FASTKD1: variants seen among roughly 807,000 people sequenced by gnomAD.
FASTKD1 encodes FAST kinase domains 1.
In FASTKD1, 94 loss-of-function variants were observed where a neutral mutation model predicts 90.9. That is an observed-to-expected ratio of 1.03 (90% confidence interval 0.88 to 1.23). The LOEUF is 1.23. Ranked by LOEUF, FASTKD1 falls within the 50% of genes most tolerant of loss-of-function variation. FASTKD1 has a pLI of 0.00. For missense variants in FASTKD1, 945 were observed against 993.5 expected, an observed-to-expected ratio of 0.95 and a Z score of 0.66; for synonymous variants, 319 against 345.8, an observed-to-expected ratio of 0.92 and a Z score of 0.86.
At chr2:169,537,424 GC>G in intron 11 of FASTKD1, 84 bp from the exon 12 acceptor site, 1 of 882,228 alleles carries the variant, frequency 1.1e-6, no homozygotes. Context: ...CGCTCTTGTT[GC>G]CCAGGCTGGA....
At chr2:169,535,280 C>T (rs539349430) in intron 12 of FASTKD1, among the ~76,000 whole-genome samples, 1 of 151,996 alleles carries the variant, frequency 6.6e-6, no homozygotes, top group Non-Finnish European at 1.5e-5. Context: ...CTCCTGGGTT[C>T]AAGAGATTCT....
rs746323442 is a variant in FASTKD1 at position 169,537,279 on chromosome 2, T to G, written c.2136A>C (p.Gly712=). ...QIFKMLAEVL[G]GINCVKASVL... ...CCGAGGCTTTTACACAATTGATTCC[T>G]CCTAGTACCTCTGCTAACATTTTAA... is the stretch of plus-strand genomic sequence containing the variant. The change falls in exon 12 of 15, where the codon GGA becomes GGC. Residue 712 remains glycine, a synonymous_variant. Transcript: ENST00000453153. 1 of 1,613,604 alleles carries G rather than the reference T, an allele frequency of 6.2e-7. No individual in the cohort carries two copies. Among genetic ancestry groups the G allele is most frequent in the Non-Finnish European group, 8.5e-7 (1 of 1,179,734 alleles).
chr2:169,565,647 C>A (rs1414898900), intron 3 of FASTKD1, among the ~76,000 whole-genome samples: 2 of 152,164 alleles, frequency 1.3e-5, no homozygotes, highest in Non-Finnish European at 2.9e-5. Flanking sequence ...CTGCAATAAA[C>A]GTAAGAGTAC....
At chr2:169,555,347 G>A in intron 6 of FASTKD1, 92 bp from the exon 7 acceptor site, 1 of 1,071,334 alleles carries the variant, frequency 9.3e-7, no homozygotes, top group Non-Finnish European at 1.4e-6. Context: ...GTTCTGTGCT[G>A]GAGAAACGGC....
intron 12 of FASTKD1, among the ~76,000 whole-genome samples, chr2:169,532,438 G>C (rs1484394248): frequency 6.8e-6 from 1 of 146,568 alleles, no homozygotes; most frequent in African/African-American, 2.5e-5. Context: ...AAAAGAAAAA[G>C]ACAACCAGCC....
chr2:169,559,117 G>A (rs118189732), intron 5 of FASTKD1, among the ~76,000 whole-genome samples: 4,144 of 151,786 alleles, frequency 0.027, 81 homozygotes, highest in East Asian at 0.1. Context: ...TGGGACTACA[G>A]GCGCTGCCAT....
At position 169,563,314 on chromosome 2, in the gene FASTKD1, G is replaced by A. The variant is rs1387846775; in HGVS notation, c.483C>T (p.Cys161=). 3 of 1,609,432 alleles carry A rather than the reference G, an allele frequency of 1.9e-6. No individual in the cohort carries two copies. The highest frequency in any genetic ancestry group is 1.7e-6 in the Non-Finnish European group (2 of 1,176,506). Residue 161 remains cysteine (C), a synonymous_variant, in exon 4 of 15, where the codon TGC becomes TGT. Transcript: ENST00000453153. ...TAAAATACAAATGCTGATCTGCTAG[G>A]CAAGAGGAAAATTCTGAGAGCAGTT... ...DIKLLSEFSS[C]LADQHLYFSP...
intron 3 of FASTKD1, among the ~76,000 whole-genome samples, chr2:169,564,586 C>T (rs1415330816): frequency 1.3e-5 from 2 of 152,048 alleles, no homozygotes; most frequent in African/African-American, 4.8e-5. Context: ...AATCCAATTA[C>T]GTTCTAAGTT....
Position 169,546,516 on chromosome 2 carries a change from T to C in FASTKD1, c.1403A>G (p.Tyr468Cys). Reference sequence around the variant, plus strand: ...TTGTTTCGCAGTCATATTATCCAAATACATGTGATCATGCTGAATCCATCT... The same window carrying C: ...TTGTTTCGCAGTCATATTATCCAAACACATGTGATCATGCTGAATCCATCT... ...VLRWIQHDHM[Y>C]LDNMTAKQLK... Residue 468 changes from tyrosine (Y) to cysteine (C), a missense_variant, in exon 8 of 15, where the codon TAT becomes TGT. Physicochemically the swap from Tyr to Cys is radical, Grantham distance 194. Transcript: ENST00000453153. 6.2e-7 allele frequency: 1 copy of C among 1,614,130 alleles called. No individual in the cohort carries two copies. Among genetic ancestry groups the C allele is most frequent in the Non-Finnish European group, 8.5e-7 (1 of 1,180,026 alleles).
chr2:169,534,678 C>T lies in FASTKD1; in HGVS notation c.2188+2549G>A, dbSNP rs989942889. Among the ~76,000 whole-genome samples the T allele has an allele frequency of 2.0e-5, 3 of 151,888 alleles. No individual in the cohort carries two copies. In the South Asian group the frequency reaches 6.2e-4, roughly 32 times the overall value. ...TTCACCATGTTAGCCAGGCTGATCTCGAACTCCCAACCTCAGGTAATCCGC... is the reference window on the plus strand; with the variant it reads ...TTCACCATGTTAGCCAGGCTGATCTTGAACTCCCAACCTCAGGTAATCCGC... On this transcript the variant is annotated intron_variant, in intron 12 of 14. Transcript: ENST00000453153.
chr2:169,546,299 T>C lies in FASTKD1; in HGVS notation c.1620A>G (p.Ala540=). 6.2e-7 allele frequency: 1 copy of C among 1,613,910 alleles called. No individual in the cohort carries two copies. Among genetic ancestry groups the C allele is most frequent in the Non-Finnish European group, 8.5e-7 (1 of 1,179,896 alleles). The change falls in exon 8 of 15, where the codon GCA becomes GCG. Residue 540 remains alanine (A), a synonymous_variant. Transcript: ENST00000453153. ...DINYINVGEI[A]SFISSTDYLS... is the part of the protein sequence containing the mutation. Reference sequence around the variant, plus strand: ...GGTAATCAGTACTAGAAATAAAAGATGCAATCTCCCCAACATTTATGTAAT... The same window carrying C: ...GGTAATCAGTACTAGAAATAAAAGACGCAATCTCCCCAACATTTATGTAAT...
intron 12 of FASTKD1, 103 bp downstream of exon 12, chr2:169,537,124 G>GA: frequency 1.5e-6 from 1 of 689,518 alleles, no homozygotes. Flanking sequence ...ATAACAACTT[G>GA]AAAAAAATTC....
intron 9 of FASTKD1, among the ~76,000 whole-genome samples, chr2:169,543,946 T>C (rs1451897147): frequency 6.6e-6 from 1 of 152,194 alleles, no homozygotes; most frequent in Non-Finnish European, 1.5e-5. Context: ...AAAATGTATT[T>C]TGGTAACACT....
At chr2:169,542,681 G>A (rs781495988) in intron 9 of FASTKD1, among the ~76,000 whole-genome samples, 5 of 152,102 alleles carry the variant, frequency 3.3e-5, no homozygotes, top group South Asian at 4.1e-4. Context: ...CCTGGGCAAC[G>A]TAGCAAGACC....
intron 12 of FASTKD1, among the ~76,000 whole-genome samples, chr2:169,533,990 G>T (rs1450116193): frequency 6.6e-6 from 1 of 151,820 alleles, no homozygotes; most frequent in Non-Finnish European, 1.5e-5. Flanking sequence ...GTGCAACATG[G>T]TGAAACCCCA....
At chr2:169,550,613 G>A (rs1445130732) in intron 7 of FASTKD1, among the ~76,000 whole-genome samples, 1 of 152,062 alleles carries the variant, frequency 6.6e-6, no homozygotes, top group African/African-American at 2.4e-5. Flanking sequence ...TGAGTAGCTA[G>A]GACTACAGGC....
At chr2:169,537,941 G>A in intron 11 of FASTKD1, 72 bp downstream of exon 11, 1 of 1,337,874 alleles carries the variant, frequency 7.5e-7, no homozygotes, top group Non-Finnish European at 1.0e-6. Context: ...AGTATAACAA[G>A]ATTAACAATG....
chr2:169,562,075 AATTATTTATTAATTTATTGTAAAAT>A (rs1181309957), intron 4 of FASTKD1, among the ~76,000 whole-genome samples: 1 of 125,184 alleles, frequency 8.0e-6, no homozygotes, highest in Admixed American at 9.1e-5. Context: ...ATTGTAAAAT[AATTATTTATTAATTTATTGTAAAAT>A]AATTATTTAT....
intron 12 of FASTKD1, chr2:169,531,731 G>C: frequency 2.5e-6 from 1 of 395,514 alleles, no homozygotes; most frequent in Non-Finnish European, 4.5e-6. Flanking sequence ...TAAGTACTAG[G>C]CTACATTTAG....
Sources: gnomAD v4.1 joint callset for allele counts (sites outside exome capture counted in the v4.1 genomes callset) on GRCh38, gnomAD v4.1.1 for gene constraint, MANE v1.5 for transcripts, NCBI Gene and HGNC (gene_info 2026-07-23, HGNC 2026-07-21) for gene names.